Variants in LIPA observed in about 807,000 individuals in gnomAD.
The protein encoded by LIPA is lysosomal acid lipase/cholesteryl ester hydrolase.
Under a neutral mutation model 40.6 loss-of-function variants are expected in LIPA, and 26 were observed. The observed-to-expected ratio is 0.64, with a 90% CI of 0.47 to 0.89. The LOEUF (loss-of-function observed/expected upper bound fraction) is 0.89. Ranked by LOEUF, LIPA falls within the 40% of genes least tolerant of loss-of-function variation. The pLI, the probability that LIPA is intolerant of heterozygous loss-of-function variation, is 0.00. For missense variants in LIPA, 455 were observed against 479.6 expected (o/e 0.95, Z 0.48); for synonymous variants, 188 against 168.4 (o/e 1.12, Z -0.90).
chr10:89,339,421 G>T, intron 1 of LIPA: 1 of 1,614,146 alleles, frequency 6.2e-7, no homozygotes, highest in South Asian at 1.1e-5. Context: ...AAGAAAAGGT[G>T]ACCTAGACAA....
chr10:89,261,517 T>A (rs538743464), intron 1 of LIPA, among the ~76,000 whole-genome samples: 5 of 151,878 alleles, frequency 3.3e-5, no homozygotes, highest in East Asian at 1.9e-4. Flanking sequence ...AAAAATAAAT[T>A]AATTAATTAA....
At chr10:89,342,915 G>A (rs553776363), upstream of LIPA, among the ~76,000 whole-genome samples, 8 of 152,270 alleles carry the variant, frequency 5.3e-5, no homozygotes, top group East Asian at 1.9e-4. Flanking sequence ...TCCTTGGATT[G>A]GCTTAAGGGC....
At chr10:89,395,429 C>G (rs303216) in intron 2 of LIPA, among the ~76,000 whole-genome samples, 13 of 152,184 alleles carry the variant, frequency 8.5e-5, no homozygotes, top group Non-Finnish European at 1.8e-4. Flanking sequence ...ATATTACCCT[C>G]TTCTCTCTGG....
At chr10:89,297,228 A>G (rs1843420559) in intron 1 of LIPA, among the ~76,000 whole-genome samples, 1 of 152,148 alleles carries the variant, frequency 6.6e-6, no homozygotes, top group Non-Finnish European at 1.5e-5. Context: ...CCCTCCTGCA[A>G]ACTGCTGCAA....
intron 2 of LIPA, chr10:89,393,362 G>A: frequency 8.8e-7 from 1 of 1,133,920 alleles, no homozygotes. Flanking sequence ...GACTGAAGAT[G>A]ATCCACATCT....
rs1192833032 is a variant in LIPA at position 89,221,889 on chromosome 10, A to G, written c.894+622T>C. Reference sequence around the variant, plus strand: ...GCATTTCCTCTCTGTCTAGGGTTATAGAATGATTTTATTTTCATTTTAAGA... The same window carrying G: ...GCATTTCCTCTCTGTCTAGGGTTATGGAATGATTTTATTTTCATTTTAAGA... On this transcript the variant is annotated intron_variant, in intron 8 of 9. Transcript: ENST00000336233. Among the ~76,000 whole-genome samples the G allele has an allele frequency of 2.6e-5, 4 of 151,806 alleles. No individual in the cohort carries two copies. The East Asian group carries it at 7.7e-4, about 29-fold the overall frequency.
At chr10:89,241,166 G>A (rs1356144426) in intron 3 of LIPA, among the ~76,000 whole-genome samples, 1 of 152,146 alleles carries the variant, frequency 6.6e-6, no homozygotes, top group African/African-American at 2.4e-5. Flanking sequence ...GGAAGAGGAG[G>A]GAAGGGGACA....
intron 3 of LIPA, among the ~76,000 whole-genome samples, chr10:89,229,981 TTAAA>T (rs1842821218): frequency 1.3e-5 from 2 of 151,924 alleles, no homozygotes; most frequent in Non-Finnish European, 2.9e-5. Flanking sequence ...TGAATAAAAG[TTAAA>T]TAGATAAAAA....
intron 2 of LIPA, among the ~76,000 whole-genome samples, chr10:89,349,458 C>A (rs1843944481): frequency 6.6e-6 from 1 of 152,090 alleles, no homozygotes; most frequent in Non-Finnish European, 1.5e-5. Context: ...TGCCAGTTTT[C>A]AGTTTATTTC....
rs1187086736 is a variant in LIPA, at chr10:89,221,707, T to C, written c.894+804A>G. On this transcript the variant is annotated intron_variant, in intron 8 of 9. Coordinates refer to ENST00000336233, the MANE Select transcript of LIPA (RefSeq NM_000235.4). Reference sequence around the variant, plus strand: ...CTGAGGTAGAAAGAAGTCCCTGACATATTGTCAGGTGAAAAAAGAAAAGCA... The same window carrying C: ...CTGAGGTAGAAAGAAGTCCCTGACACATTGTCAGGTGAAAAAAGAAAAGCA... Among the ~76,000 whole-genome samples, 22 of 152,290 alleles carry C rather than the reference T, an allele frequency of 1.4e-4. 1 individual carries two copies. The highest frequency in any genetic ancestry group is 1.4e-3 in the Admixed American group (22 of 15,302).
chr10:89,228,227 A>AC lies in LIPA; in HGVS notation c.400dup (p.Val134GlyfsTer5), dbSNP rs760472104. On this transcript the variant is annotated frameshift_variant, in exon 4 of 10. Coordinates refer to ENST00000336233, the MANE Select transcript of LIPA (RefSeq NM_000235.4). LOFTEE classifies it high-confidence loss of function. ...GAAAGCCCAGAATTCATCCTGAGAA[A>AC]CTGAGAGTGTCTTATGTTTCCGAGA... is the stretch of plus-strand genomic sequence containing the variant. 1 of 1,614,132 alleles carries AC rather than the reference A, an allele frequency of 6.2e-7. No individual in the cohort carries two copies.
At chr10:89,403,649 G>T (rs745845470) in intron 2 of LIPA, 2 of 1,613,794 alleles carry the variant, frequency 1.2e-6, no homozygotes, top group South Asian at 2.2e-5. Context: ...AAGCCCTGGA[G>T]TACTATGAGC....
Position 89,339,381 on chromosome 10 carries a change from T to A in LIPA, c.-2+3230A>T, listed in dbSNP as rs1353619524. 10 of 1,614,020 alleles carry A rather than the reference T, an allele frequency of 6.2e-6. No homozygotes were observed. In the Admixed American group the frequency reaches 1.7e-4, roughly 27 times the overall value. ...TGGAAAAGTCTCCTTGCCAAACAGA[T>A]GTCCTCCGCAGTGCAGCCAAATTTT... On this transcript the variant is annotated intron_variant, in intron 1 of 5. Transcript: ENST00000282673.
intron 1 of LIPA, among the ~76,000 whole-genome samples, chr10:89,257,361 G>GGTGT (rs112130053): frequency 6.6e-6 from 1 of 151,124 alleles, no homozygotes; most frequent in African/African-American, 2.4e-5. Context: ...AGGTAGTAGT[G>GGTGT]GTGTGTGTGT....
At chr10:89,308,471 T>C (rs1187663144) in intron 1 of LIPA, 1 of 151,968 alleles carries the variant, frequency 6.6e-6, no homozygotes, top group South Asian at 2.1e-4. Flanking sequence ...GATGGTGGGG[T>C]TTTCCCCCCT....
intron 2 of LIPA, among the ~76,000 whole-genome samples, chr10:89,411,518 C>T (rs1203242682): frequency 1.3e-5 from 2 of 152,224 alleles, no homozygotes; most frequent in African/African-American, 4.8e-5. Context: ...CCCAAACTTA[C>T]AAGGTTTTCA....
At position 89,370,402 on chromosome 10, in the gene LIPA, T is replaced by A. The variant is rs561124749; in HGVS notation, c.61+42389A>T. ...ACCACATCGGGCTAAGTTTTTTTTT[T>A]AATTTTATTTTTTGTAGAGACAGGG... On this transcript the variant is annotated intron_variant, in intron 2 of 8. Coordinates refer to the LIPA transcript ENST00000371837. Among the ~76,000 whole-genome samples the A allele has an allele frequency of 2.1e-4, 32 of 151,952 alleles. 1 individual carries two copies. The highest frequency in any genetic ancestry group is 2.5e-4 in the Non-Finnish European group (17 of 67,930).
At chr10:89,255,513 C>T (rs1843176412), upstream of LIPA, among the ~76,000 whole-genome samples, 1 of 152,134 alleles carries the variant, frequency 6.6e-6, no homozygotes, top group South Asian at 2.1e-4. Context: ...ACAGCCAAAC[C>T]ATATCAGAAG....
At chr10:89,218,413 C>A (rs1333871988) in intron 8 of LIPA, among the ~76,000 whole-genome samples, 1 of 152,230 alleles carries the variant, frequency 6.6e-6, no homozygotes, top group Non-Finnish European at 1.5e-5. Flanking sequence ...ACTTTAGTTA[C>A]TGACCCGGAA....
Sources: allele counts gnomAD v4.1 joint callset (sites outside exome capture counted in the v4.1 genomes callset), GRCh38; gene constraint gnomAD v4.1.1; transcripts MANE v1.5; gene names NCBI Gene and HGNC (gene_info 2026-07-23, HGNC 2026-07-21).